PGRMC1: variants seen among roughly 807,000 people sequenced by gnomAD.
PGRMC1 encodes the protein membrane-associated progesterone receptor component 1.
For synonymous variants in PGRMC1, 73 were observed against 77.3 expected (o/e 0.94, Z 0.29); for missense variants, 145 against 169.0 (o/e 0.86, Z 0.79).
chrX:119,238,196 C>T (rs1398200008), intron 1 of PGRMC1, among the ~76,000 whole-genome samples: 4 of 111,307 alleles, frequency 3.6e-5, no homozygotes, highest in Non-Finnish European at 5.7e-5. Flanking sequence ...TTCTTGCAGA[C>T]ATTTATTTAT....
intron 2 of PGRMC1, among the ~76,000 whole-genome samples, chrX:119,242,091 T>C (rs1442905164): frequency 8.9e-6 from 1 of 111,787 alleles, no homozygotes; most frequent in Non-Finnish European, 1.9e-5. Context: ...ACAAACTTCT[T>C]ACAAGTTTTT....
At chrX:119,238,935 G>A (rs903076255) in intron 1 of PGRMC1, among the ~76,000 whole-genome samples, 24 of 112,506 alleles carry the variant, frequency 2.1e-4, no homozygotes, top group African/African-American at 7.4e-4. Context: ...ACGTTCTAGT[G>A]AATATATGTT....
Position 119,243,654 on chromosome X carries a change from T to C in PGRMC1, c.*400T>C, listed in dbSNP as rs545878354. 50 of 174,547 alleles carry C rather than the reference T, an allele frequency of 2.9e-4. No homozygotes were observed. The South Asian group carries it at 5.4e-3, about 19-fold the overall frequency. The allele number at this position is 174,547 out of a possible 1,213,427, so 14.4% of individuals were successfully genotyped here. A position where few individuals can be genotyped will look rare whatever the true frequency, so the allele number is the denominator to read the frequency against. On this transcript the variant is annotated 3_prime_UTR_variant, in exon 3 of 3. Coordinates refer to ENST00000217971, the MANE Select transcript of PGRMC1 (RefSeq NM_006667.5). Reference sequence around the variant, plus strand: ...TGTTCTGTAAAGACAACAAATCCCTTTTTTTTTCTCAATTGACTTAACTGC... The same window carrying C: ...TGTTCTGTAAAGACAACAAATCCCTCTTTTTTTCTCAATTGACTTAACTGC...
chrX:119,237,040 G>T (rs753634934), intron 1 of PGRMC1, among the ~76,000 whole-genome samples: 2 of 111,605 alleles, frequency 1.8e-5, no homozygotes, highest in South Asian at 7.8e-4. Context: ...AGCCCAGGCT[G>T]TTGGGGTAGT....
chrX:119,239,611 G>A (rs1930772582), intron 1 of PGRMC1, among the ~76,000 whole-genome samples: 1 of 112,051 alleles, frequency 8.9e-6, no homozygotes, highest in African/African-American at 3.2e-5. Context: ...TTGTTTTGCA[G>A]TATTGATTCA....
chrX:119,239,019 A>T lies in PGRMC1; in HGVS notation c.329-1290A>T, dbSNP rs182803207. On this transcript the variant is annotated intron_variant, in intron 1 of 2. Coordinates refer to ENST00000217971, the MANE Select transcript of PGRMC1 (RefSeq NM_006667.5). ...GAACATTTAATTGTTTAAATGTTTA[A>T]ATATTCTATGAGGTTTAAATATTCT... 1.9e-4 allele frequency among the ~76,000 whole-genome samples: 21 copies of T among 112,272 alleles called. 1 individual carries two copies. The East Asian group carries it at 5.6e-3, about 30-fold the overall frequency.
In PGRMC1 at chrX:119,243,290, G is replaced by A. The variant is rs944240250; in HGVS notation, c.*36G>A. On this transcript the variant is annotated 3_prime_UTR_variant, in exon 3 of 3. Coordinates refer to ENST00000217971, the MANE Select transcript of PGRMC1 (RefSeq NM_006667.5). ...GGAAGTATATCTATTTTTGTATTTT[G>A]CAAAATCATTTGTAACAGTCCACTC... 1.6e-5 allele frequency: 14 copies of A among 899,551 alleles called. No individual in the cohort carries two copies. The highest frequency in any genetic ancestry group is 5.4e-4 in the Middle Eastern group (2 of 3,715). 74.1% of individuals were successfully genotyped at this position (899,551 alleles called of 1,213,427 possible).
At chrX:119,240,212 G>C in intron 1 of PGRMC1, 97 bp from the exon 2 acceptor site, 1 of 773,148 alleles carries the variant, frequency 1.3e-6, no homozygotes, top group Non-Finnish European at 2.0e-6. Context: ...TTCAAAAATG[G>C]GGCTATGTTG....
In PGRMC1 at chrX:119,236,704, C is replaced by T. The variant is rs201587495; in HGVS notation, c.328+13C>T. 1.7e-6 allele frequency: 2 copies of T among 1,157,907 alleles called. No homozygotes were observed. The highest frequency in any genetic ancestry group is 6.3e-5 in the East Asian group (2 of 31,977). ...TTCTACGGGCCCGGTACGCGGCCGG[C>T]GAGGGGGGCTTGGAGACAAAAGAAG... On this transcript the variant is annotated intron_variant, in intron 1 of 2. Coordinates refer to ENST00000217971, the MANE Select transcript of PGRMC1 (RefSeq NM_006667.5).
Position 119,240,331 on chromosome X carries a change from T to C in PGRMC1, c.351T>C (p.Ala117=), listed in dbSNP as rs781441265. ...YGPEGPYGVF[A]GRDASRGLAT... is the part of the protein sequence containing the mutation. ...AAGAGGGGCCGTATGGGGTCTTTGC[T>C]GGAAGAGATGCATCCAGGGGCCTTG... is the stretch of plus-strand genomic sequence containing the variant. Residue 117 remains alanine, a synonymous_variant, in exon 2 of 3, where the codon GCT becomes GCC. Coordinates refer to ENST00000217971, the MANE Select transcript of PGRMC1 (RefSeq NM_006667.5). 2.2e-5 allele frequency: 26 copies of C among 1,208,893 alleles called. No homozygotes were observed. The highest frequency in any genetic ancestry group is 2.7e-5 in the Non-Finnish European group (24 of 894,526).
intron 2 of PGRMC1, among the ~76,000 whole-genome samples, chrX:119,241,816 C>T (rs1011734781): frequency 1.8e-5 from 2 of 112,202 alleles, no homozygotes; most frequent in African/African-American, 3.2e-5. Flanking sequence ...GAAGAGGAGA[C>T]TCTTGGCTTT....
At chrX:119,240,850 G>T (rs753928677) in intron 2 of PGRMC1, among the ~76,000 whole-genome samples, 1 of 112,120 alleles carries the variant, frequency 8.9e-6, no homozygotes, top group African/African-American at 3.2e-5. Flanking sequence ...CCACATCTCT[G>T]TTGAAGAATG....
intron 1 of PGRMC1, among the ~76,000 whole-genome samples, chrX:119,238,143 A>G (rs969604944): frequency 2.7e-5 from 3 of 111,742 alleles, no homozygotes; most frequent in African/African-American, 9.8e-5. Context: ...TCCCAGTCCA[A>G]CTGATCAAAA....
At chrX:119,236,769 G>A in intron 1 of PGRMC1, 78 bp downstream of exon 1, 2 of 864,705 alleles carry the variant, frequency 2.3e-6, no homozygotes, top group Non-Finnish European at 3.2e-6. Flanking sequence ...GAGGCGAGGC[G>A]GGAGCGGGGC....
chrX:119,239,715 TTGACAG>T (rs1193789089), intron 1 of PGRMC1, among the ~76,000 whole-genome samples: 1 of 111,972 alleles, frequency 8.9e-6, no homozygotes, highest in African/African-American at 3.2e-5. Flanking sequence ...TATCTATTTA[TTGACAG>T]TGAAGGTTAT....
In PGRMC1 at chrX:119,240,394, G is replaced by A. The variant is rs777720505; in HGVS notation, c.414G>A (p.Glu138=). ...TGGATAAGGAAGCACTGAAGGATGA[G>A]TACGATGACCTTTCTGACCTCACTG... is the stretch of plus-strand genomic sequence containing the variant. ...FCLDKEALKD[E]YDDLSDLTAA... is the part of the protein sequence containing the mutation. The change falls in exon 2 of 3, where the codon GAG becomes GAA. Residue 138 remains glutamate, a synonymous_variant. Transcript: ENST00000217971. The A allele has an allele frequency of 8.3e-7, 1 of 1,207,662 alleles. No individual in the cohort carries two copies. The highest frequency in any genetic ancestry group is 3.0e-5 in the East Asian group (1 of 33,816).
chrX:119,243,575 C>G lies in PGRMC1; in HGVS notation c.*321C>G. The G allele has an allele frequency of 4.1e-6, 1 of 242,030 alleles. No homozygotes were observed. The highest frequency in any genetic ancestry group is 6.8e-5 in the South Asian group (1 of 14,609). 19.9% of individuals were successfully genotyped at this position (242,030 alleles called of 1,213,427 possible). A position where few individuals can be genotyped will look rare whatever the true frequency, so the allele number is the denominator to read the frequency against. On this transcript the variant is annotated 3_prime_UTR_variant, in exon 3 of 3. Coordinates refer to ENST00000217971, the MANE Select transcript of PGRMC1 (RefSeq NM_006667.5). ...AGGAAGACTTGGGTATTTCCCAAAA[C>G]AGGTAAAAATCTTAAATGTGCACCA... is the stretch of plus-strand genomic sequence containing the variant.
Position 119,244,276 on chromosome X carries a change from A to G in PGRMC1, c.*1022A>G, listed in dbSNP as rs746932542. 1 of 112,858 alleles carries G rather than the reference A, an allele frequency of 8.9e-6. No individual in the cohort carries two copies. The highest frequency in any genetic ancestry group is 2.8e-4 in the East Asian group (1 of 3,595). The allele number at this position is 112,858 out of a possible 1,213,427, so 9.3% of individuals were successfully genotyped here. Reference sequence around the variant, plus strand: ...CTTTGATATTGCTCTTTTGGTTAACACTAAGCTTAAGTAGACTATACAGTT... The same window carrying G: ...CTTTGATATTGCTCTTTTGGTTAACGCTAAGCTTAAGTAGACTATACAGTT... On this transcript the variant is annotated 3_prime_UTR_variant, in exon 3 of 3. Transcript: ENST00000217971.
chrX:119,240,086 T>C (rs1305033173), intron 1 of PGRMC1, among the ~76,000 whole-genome samples: 1 of 112,153 alleles, frequency 8.9e-6, no homozygotes, highest in Non-Finnish European at 1.9e-5. Context: ...CGCAAATGTA[T>C]AGCAGTTTGA....
Sources: allele counts gnomAD v4.1 joint callset (sites outside exome capture counted in the v4.1 genomes callset), GRCh38; gene constraint gnomAD v4.1.1; transcripts MANE v1.5; gene names NCBI Gene and HGNC (gene_info 2026-07-23, HGNC 2026-07-21).